Variants in PLA2G6 observed in about 807,000 individuals in gnomAD.
PLA2G6 encodes the protein 85/88 kDa calcium-independent phospholipase A2.
A neutral mutation model predicts 83.8 loss-of-function variants in PLA2G6; 62 were observed. The observed-to-expected ratio is 0.74, with a 90% CI of 0.60 to 0.91. The LOEUF (loss-of-function observed/expected upper bound fraction) is 0.91. Ranked by LOEUF, PLA2G6 falls within the 40% of genes least tolerant of loss-of-function variation. The pLI is 0.00. For synonymous variants in PLA2G6, 417 were observed against 449.8 expected, an observed-to-expected ratio of 0.93 and a Z score of 0.92; for missense variants, 944 against 1,102.0, an observed-to-expected ratio of 0.86 and a Z score of 2.03.
In PLA2G6 at chr22:38,128,230, A is replaced by G; in HGVS notation, c.1348+39T>C. On this transcript the variant is annotated intron_variant, in intron 9 of 16. Transcript: ENST00000332509. The surrounding 1 kb of genome is among the most constrained non-coding windows in gnomAD (Gnocchi z 4.4). ...GCCTGCTGTGATCCAGGGGCCTGGG[A>G]ACCAGCTGGAGAAGAGGGAGTCGGG... 1.2e-6 allele frequency: 2 copies of G among 1,604,400 alleles called. No homozygotes were observed. Among genetic ancestry groups the G allele is most frequent in the Non-Finnish European group, 8.5e-7 (1 of 1,173,018 alleles).
intron 1 of PLA2G6, among the ~76,000 whole-genome samples, chr22:38,169,955 C>T (rs1044417262): frequency 2.0e-5 from 3 of 152,092 alleles, no homozygotes; most frequent in Non-Finnish European, 2.9e-5. Context: ...CCCAGCACTT[C>T]GAGAGGCTGA....
chr22:38,170,413 T>C (rs1017047224), intron 1 of PLA2G6, among the ~76,000 whole-genome samples: 5 of 151,644 alleles, frequency 3.3e-5, no homozygotes, highest in Admixed American at 1.3e-4. Context: ...TCCTTGGAAA[T>C]GAACGAACTG....
rs540908298 is a variant in PLA2G6, at chr22:38,171,052, A to G, written c.-45-1581T>C. 2.2e-3 allele frequency among the ~76,000 whole-genome samples: 332 copies of G among 151,968 alleles called. 1 individual carries two copies. The highest frequency in any genetic ancestry group is 3.5e-3 in the Non-Finnish European group (235 of 67,978). ...CCAGGCATGGTGGCGCATGCCTGTA[A>G]TCCCAGCTACTTGGGAGGCTGAGGC... On this transcript the variant is annotated intron_variant, in intron 1 of 16. Coordinates refer to ENST00000332509, the MANE Select transcript of PLA2G6 (RefSeq NM_003560.4).
At chr22:38,118,219 G>A (rs988336969) in intron 12 of PLA2G6, among the ~76,000 whole-genome samples, 1 of 152,312 alleles carries the variant, frequency 6.6e-6, no homozygotes, top group Middle Eastern at 3.4e-3. Context: ...ACTCTGGCCT[G>A]CAACGTGGTC....
chr22:38,112,627 C>G, intron 15 of PLA2G6, 50 bp from the exon 16 acceptor site: 2 of 1,468,738 alleles, frequency 1.4e-6, no homozygotes, highest in East Asian at 2.5e-5. Flanking sequence ...CCGCCCGGCC[C>G]GCACCCCGCC....
chr22:38,162,736 T>C (rs117847163), intron 2 of PLA2G6, among the ~76,000 whole-genome samples: 4,414 of 152,032 alleles, frequency 0.029, 100 homozygotes, highest in Non-Finnish European at 0.042. Flanking sequence ...AGTGGTATTG[T>C]AGGGTGACAG....
At chr22:38,138,535 A>G (rs1602155035) in intron 5 of PLA2G6, 1 of 152,292 alleles carries the variant, frequency 6.6e-6, no homozygotes, top group African/African-American at 2.4e-5. Context: ...GCACTGCGCT[A>G]TGAGATTCTG....
intron 1 of PLA2G6, among the ~76,000 whole-genome samples, chr22:38,176,199 T>A (rs2090624812): frequency 6.6e-6 from 1 of 151,964 alleles, no homozygotes; most frequent in African/African-American, 2.4e-5. Flanking sequence ...AAGTTCAGCT[T>A]TATATATAGT....
Position 38,157,785 on chromosome 22 carries a change from C to G in PLA2G6, c.209+11433G>C, listed in dbSNP as rs564252051. On this transcript the variant is annotated intron_variant, in intron 2 of 16. Coordinates refer to ENST00000332509, the MANE Select transcript of PLA2G6 (RefSeq NM_003560.4). ...GCGCAGTGGCTCACACCTGTAATCCCGGCACTTTGGGAGGCAGGGGCAGGT... is the reference window on the plus strand; with the variant it reads ...GCGCAGTGGCTCACACCTGTAATCCGGGCACTTTGGGAGGCAGGGGCAGGT... Among the ~76,000 whole-genome samples the G allele has an allele frequency of 2.8e-3, 429 of 152,260 alleles. 2 individuals are homozygous for G. Among genetic ancestry groups the G allele is most frequent in the Non-Finnish European group, 5.1e-3 (349 of 68,016 alleles).
chr22:38,175,181 T>G (rs906339233), intron 1 of PLA2G6, among the ~76,000 whole-genome samples: 4 of 152,136 alleles, frequency 2.6e-5, no homozygotes, highest in African/African-American at 9.7e-5. Flanking sequence ...GGGCCTGCAC[T>G]TGCGTCCTCC....
At chr22:38,135,482 A>G (rs1017805017) in intron 5 of PLA2G6, 6 of 240,750 alleles carry the variant, frequency 2.5e-5, no homozygotes, top group Admixed American at 2.0e-4. Context: ...GCACACAGCC[A>G]CCCTCCACCT....
chr22:38,133,277 C>A (rs890786441), intron 6 of PLA2G6: 6 of 561,656 alleles, frequency 1.1e-5, no homozygotes, highest in South Asian at 4.2e-5. Context: ...CTAGTGCCAA[C>A]AGAACCCACT....
At chr22:38,124,650 TTC>T (rs1354748048) in intron 10 of PLA2G6, among the ~76,000 whole-genome samples, 3 of 152,040 alleles carry the variant, frequency 2.0e-5, no homozygotes, top group African/African-American at 7.2e-5. Context: ...TTCGCAATCT[TTC>T]TTTTACTCTC....
chr22:38,118,737 GA>G (rs1448746848), intron 12 of PLA2G6, among the ~76,000 whole-genome samples: 8 of 144,774 alleles, frequency 5.5e-5, no homozygotes, highest in African/African-American at 1.0e-4. Flanking sequence ...TATAGTTTGT[GA>G]GTTTGTTTGT....
chr22:38,139,497 C>G (rs563589722), intron 5 of PLA2G6: 1 of 152,696 alleles, frequency 6.5e-6, no homozygotes, highest in Non-Finnish European at 1.5e-5. Flanking sequence ...TGCAACGGTG[C>G]GATCTCGGCT....
chr22:38,129,612 G>T, intron 7 of PLA2G6, 50 bp from the exon 8 acceptor site: 1 of 1,441,640 alleles, frequency 6.9e-7, no homozygotes, highest in Non-Finnish European at 9.8e-7. Context: ...GGGAAGTGAA[G>T]AACAAAGGGG....
Position 38,116,032 on chromosome 22 carries a change from C to G in PLA2G6, c.1879+43G>C, listed in dbSNP as rs377758705. The G allele has an allele frequency of 6.8e-6, 11 of 1,609,442 alleles. No individual in the cohort carries two copies. The African/African-American group carries it at 1.2e-4, about 18-fold the overall frequency. On this transcript the variant is annotated intron_variant, in intron 13 of 16. Coordinates refer to ENST00000332509, the MANE Select transcript of PLA2G6 (RefSeq NM_003560.4). ...TCCCACCCACCACCCCACAGCCTCTCGGGCCAGTCGCTTCCCATGGATGCA... is the reference window on the plus strand; with the variant it reads ...TCCCACCCACCACCCCACAGCCTCTGGGGCCAGTCGCTTCCCATGGATGCA...
At chr22:38,174,839 G>A (rs2090572625) in intron 1 of PLA2G6, among the ~76,000 whole-genome samples, 1 of 152,134 alleles carries the variant, frequency 6.6e-6, no homozygotes, top group Admixed American at 6.5e-5. Flanking sequence ...GTCACCTGGA[G>A]CCACTTGTCC....
In PLA2G6 at chr22:38,112,276, A is replaced by G. The variant is rs773403661; in HGVS notation, c.2306T>C (p.Met769Thr). 2 of 1,613,592 alleles carry G rather than the reference A, an allele frequency of 1.2e-6. No homozygotes were observed. Among genetic ancestry groups the G allele is most frequent in the Admixed American group, 1.7e-5 (1 of 59,974 alleles). ...CACTGTGTCACTGACCTCATCCAGC[A>G]TGATGTCCGTCCCCAGCTGGGGGTT... is the stretch of plus-strand genomic sequence containing the variant. ...RLNPQLGTDIMLDEVSDTVLV... is the reference protein window; with the variant it reads ...RLNPQLGTDITLDEVSDTVLV... The change falls in exon 17 of 17, where the codon ATG becomes ACG. Residue 769 changes from methionine to threonine, a missense_variant. Met to Thr is a moderately conservative substitution (Grantham distance 81). Transcript: ENST00000332509.
Sources: gnomAD v4.1 joint callset for allele counts (sites outside exome capture counted in the v4.1 genomes callset) on GRCh38, gnomAD v4.1.1 for gene constraint, Gnocchi (gnomAD v3.1) non-coding constraint, MANE v1.5 for transcripts, NCBI Gene and HGNC (gene_info 2026-07-23, HGNC 2026-07-21) for gene names.